The following KIF4A variants were observed in gnomAD, a reference collection of about 807,000 sequenced individuals.
KIF4A encodes chromosome-associated kinesin KIF4A.
In KIF4A, 7 loss-of-function variants were observed where a neutral mutation model predicts 105.9. The ratio of observed to expected loss-of-function variants is 0.07; its 90% CI spans 0.04 to 0.12. The LOEUF (loss-of-function observed/expected upper bound fraction) is 0.12, where lower values mean the gene tolerates loss of function less well. Among genes scored for constraint, KIF4A ranks in the 10% least tolerant of loss-of-function variants. The pLI, the probability that KIF4A is intolerant of heterozygous loss-of-function variation, is 1.00. For missense variants in KIF4A, 558 were observed against 929.2 expected (o/e 0.60, Z 5.19); for synonymous variants, 281 against 331.3 (o/e 0.85, Z 1.65).
chrX:70,372,902 T>C (rs187742398), intron 15 of KIF4A, among the ~76,000 whole-genome samples: 9 of 111,920 alleles, frequency 8.0e-5, no homozygotes, highest in Non-Finnish European at 1.7e-4. Context: ...CCTTTGGGAG[T>C]CCCCAAGAGC....
chrX:70,329,263 G>C, intron 7 of KIF4A, 142 bp from the exon 8 acceptor site: 1 of 544,233 alleles, frequency 1.8e-6, no homozygotes, highest in Middle Eastern at 5.9e-4. Context: ...ACTCCAAAAA[G>C]TGAACAAGAT....
chrX:70,317,774 G>C (rs758981728), intron 7 of KIF4A, among the ~76,000 whole-genome samples: 5 of 110,538 alleles, frequency 4.5e-5, no homozygotes, highest in African/African-American at 1.6e-4. Context: ...TAATTCCTGG[G>C]CTCAAGCAGT....
intron 7 of KIF4A, among the ~76,000 whole-genome samples, chrX:70,304,274 A>AT (rs1216394432): frequency 2.9e-5 from 3 of 103,352 alleles, no homozygotes; most frequent in Non-Finnish European, 5.9e-5. Flanking sequence ...TGAACTCATC[A>AT]TTTTTTATGG....
rs983950580 is a variant in KIF4A at position 70,302,508 on chromosome X, G to A, written c.778+110G>A. ...GAGATCACATTCTAACAGTAGCTAC[G>A]ATTCAGATTTGAGGCTGAGTTCAGA... On this transcript the variant is annotated intron_variant, in intron 7 of 30. Transcript: ENST00000374403. The A allele has an allele frequency of 3.6e-5, 27 of 748,690 alleles. No individual in the cohort carries two copies. The African/African-American group carries it at 5.3e-4, about 15-fold the overall frequency. The allele number at this position is 748,690 out of a possible 1,213,427, so 61.7% of individuals were successfully genotyped here.
chrX:70,352,630 A>C lies in KIF4A; in HGVS notation c.1462A>C (p.Ile488Leu). ...AACTGTTGCTTGCATGGCTGCAGCC[A>C]TTGATACTGCGGTGGAGCAAGAAGC... ...DETVACMAAA[I>L]DTAVEQEAQV... Residue 488 changes from isoleucine (I) to leucine (L), a missense_variant, in exon 14 of 31, where the codon ATT becomes CTT. By Grantham distance (5) the Ile-to-Leu change is conservative (BLOSUM62 2). This residue lies in a region of KIF4A where 469 missense variants were observed against 680.4 expected (regional missense o/e 0.69). Coordinates refer to ENST00000374403, the MANE Select transcript of KIF4A (RefSeq NM_012310.5). The C allele has an allele frequency of 8.3e-7, 1 of 1,204,060 alleles. No homozygotes were observed. Among genetic ancestry groups the C allele is most frequent in the Non-Finnish European group, 1.1e-6 (1 of 889,339 alleles).
rs766524382 is a variant in KIF4A at position 70,415,710 on chromosome X, C to T, written c.3256-2178C>T. 8.4e-5 allele frequency among the ~76,000 whole-genome samples: 9 copies of T among 107,591 alleles called. No homozygotes were observed. In the East Asian group the frequency reaches 2.6e-3, roughly 31 times the overall value. 93.4% of individuals were successfully genotyped at this position (107,591 alleles called of 115,157 possible). A position where few individuals can be genotyped will look rare whatever the true frequency, so the allele number is the denominator to read the frequency against. On this transcript the variant is annotated intron_variant, in intron 28 of 30. Coordinates refer to ENST00000374403, the MANE Select transcript of KIF4A (RefSeq NM_012310.5). ...CTGGAAAGGGGGAGGCAAATAGGAT[C>T]AGGAAGGAGTGCATAGGAGACCTTG...
intron 18 of KIF4A, among the ~76,000 whole-genome samples, chrX:70,382,710 T>A (rs944357102): frequency 3.7e-5 from 4 of 108,326 alleles, no homozygotes; most frequent in African/African-American, 1.3e-4. Context: ...CTCAACACTT[T>A]GGGAGGCCAA....
At chrX:70,319,030 C>T (rs1397876096) in intron 7 of KIF4A, among the ~76,000 whole-genome samples, 3 of 111,401 alleles carry the variant, frequency 2.7e-5, no homozygotes, top group Non-Finnish European at 3.8e-5. Flanking sequence ...TTTGGGAGGG[C>T]GAAGCAGGCG....
chrX:70,314,723 C>T (rs1214774416), intron 7 of KIF4A, among the ~76,000 whole-genome samples: 4 of 110,607 alleles, frequency 3.6e-5, no homozygotes, highest in Admixed American at 9.7e-5. Context: ...TAAATATGAG[C>T]GAGGGGCACT....
At chrX:70,344,009 A>G (rs771734820) in intron 13 of KIF4A, 27 bp downstream of exon 13, 6 of 1,025,385 alleles carry the variant, frequency 5.9e-6, no homozygotes, top group Non-Finnish European at 8.2e-6. Flanking sequence ...CAGTGTAAAT[A>G]GGCATATCAC....
At chrX:70,378,580 T>G (rs2086184069) in intron 18 of KIF4A, among the ~76,000 whole-genome samples, 1 of 108,624 alleles carries the variant, frequency 9.2e-6, no homozygotes, top group South Asian at 4.0e-4. Context: ...AATACAAAAT[T>G]AGCTGGGCAT....
chrX:70,298,571 G>A (rs148724859), intron 4 of KIF4A, among the ~76,000 whole-genome samples: 1 of 111,302 alleles, frequency 9.0e-6, no homozygotes, highest in Non-Finnish European at 1.9e-5. Flanking sequence ...ACCTAGTTGT[G>A]GCCAACATAA....
Position 70,302,377 on chromosome X carries a change from G to C in KIF4A, c.757G>C (p.Glu253Gln). ...AGAAAGACAGAAGAAAACCAAGGCT[G>C]AAGGGGATCGTCTAAAAGAGGGTAA... is the stretch of plus-strand genomic sequence containing the variant. ...GSERQKKTKA[E>Q]GDRLKEGINI... Residue 253 changes from glutamate (E) to glutamine (Q), a missense_variant, in exon 7 of 31, where the codon GAA becomes CAA. Physicochemically the swap from Glu to Gln is conservative, Grantham distance 29 (BLOSUM62 2). Around this residue, in one of 2 missense-constraint regions of KIF4A, gnomAD observed 89 missense variants for 248.8 expected, o/e 0.36. Transcript: ENST00000374403. 1 of 1,211,612 alleles carries C rather than the reference G, an allele frequency of 8.3e-7. No homozygotes were observed. Among genetic ancestry groups the C allele is most frequent in the Non-Finnish European group, 1.1e-6 (1 of 895,305 alleles).
intron 20 of KIF4A, among the ~76,000 whole-genome samples, chrX:70,395,029 T>C (rs1436179226): frequency 8.9e-6 from 1 of 112,262 alleles, no homozygotes; most frequent in Non-Finnish European, 1.9e-5. Flanking sequence ...GTGGATCACT[T>C]GAGGCCAGCA....
intron 15 of KIF4A, among the ~76,000 whole-genome samples, chrX:70,357,891 G>GT (rs200985957): frequency 1.7e-3 from 189 of 110,515 alleles, no homozygotes; most frequent in Middle Eastern, 0.014. Context: ...GTTTCCTGTT[G>GT]TTTTTTTGTT....
chrX:70,342,432 A>G (rs777254184), intron 11 of KIF4A, among the ~76,000 whole-genome samples: 7 of 112,320 alleles, frequency 6.2e-5, no homozygotes, highest in Non-Finnish European at 9.4e-5. Context: ...GTGGATCACT[A>G]TATAACTGAT....
In KIF4A at chrX:70,402,194, C is replaced by T. The variant is rs187918054; in HGVS notation, c.2490-372C>T. ...TTTCCTTCAAGTCTCCAACCTGAATCTTATCCTTGCATGGGTGGACCATCA... is the reference window on the plus strand; with the variant it reads ...TTTCCTTCAAGTCTCCAACCTGAATTTTATCCTTGCATGGGTGGACCATCA... On this transcript the variant is annotated intron_variant, in intron 22 of 30. Transcript: ENST00000374403. Among the ~76,000 whole-genome samples the T allele has an allele frequency of 2.7e-3, 304 of 111,770 alleles. 3 individuals carry two copies. The highest frequency in any genetic ancestry group is 9.4e-3 in the African/African-American group (290 of 30,756).
chrX:70,392,513 C>T (rs1453242017), intron 20 of KIF4A, among the ~76,000 whole-genome samples: 1 of 110,860 alleles, frequency 9.0e-6, no homozygotes, highest in Non-Finnish European at 1.9e-5. Context: ...TGTAAAATCT[C>T]AGCCAGGTGC....
chrX:70,391,498 A>G (rs1453768138), intron 20 of KIF4A, among the ~76,000 whole-genome samples: 1 of 111,971 alleles, frequency 8.9e-6, no homozygotes, highest in Admixed American at 9.5e-5. Context: ...TTCACCATTA[A>G]GTATATTAAC....
Sources: allele counts gnomAD v4.1 joint callset (sites outside exome capture counted in the v4.1 genomes callset), GRCh38; gene constraint gnomAD v4.1.1; regional missense constraint gnomAD v4.1.1; transcripts MANE v1.5; gene names NCBI Gene and HGNC (gene_info 2026-07-23, HGNC 2026-07-21).